NRG1: variants seen among roughly 807,000 people sequenced by gnomAD.
NRG1 encodes the protein neuregulin 1, also known as pro-neuregulin-1, membrane-bound isoform.
NRG1 carries 18 observed loss-of-function variants against 63.8 expected under a neutral mutation model. That is an observed-to-expected ratio of 0.28 (90% CI 0.19 to 0.42). NRG1 has a LOEUF of 0.42. Ranked by LOEUF, NRG1 falls within the 10% of genes least tolerant of loss-of-function variation. The pLI is 1.00. For synonymous variants in NRG1, 302 were observed against 301.3 expected, an observed-to-expected ratio of 1.00 and a Z score of -0.02; for missense variants, 762 against 814.7, an observed-to-expected ratio of 0.94 and a Z score of 0.79.
At chr8:32,586,049 T>C (rs62500222) in intron 1 of NRG1, among the ~76,000 whole-genome samples, 10,094 of 152,076 alleles carry the variant, frequency 0.066, 425 homozygotes, top group Middle Eastern at 0.093. Context: ...GGAGTTATCA[T>C]AAAACTTAAA....
At chr8:32,104,211 G>A (rs930164998) in intron 1 of NRG1, among the ~76,000 whole-genome samples, 8 of 152,124 alleles carry the variant, frequency 5.3e-5, no homozygotes, top group African/African-American at 1.9e-4. Flanking sequence ...AATCTGTACG[G>A]CATGTTACTG....
intron 1 of NRG1, among the ~76,000 whole-genome samples, chr8:32,191,713 T>C (rs1466918835): frequency 6.6e-6 from 1 of 151,960 alleles, no homozygotes; most frequent in Non-Finnish European, 1.5e-5. Context: ...GAGGAGAGAG[T>C]GTATGGCCTG....
chr8:32,665,462 T>G (rs1803894256), intron 5 of NRG1, among the ~76,000 whole-genome samples: 1 of 152,234 alleles, frequency 6.6e-6, no homozygotes, highest in African/African-American at 2.4e-5. Flanking sequence ...ATTCAGTTTG[T>G]TCAAAATATG....
At chr8:32,484,599 C>CT (rs951121524) in intron 1 of NRG1, among the ~76,000 whole-genome samples, 31 of 149,110 alleles carry the variant, frequency 2.1e-4, no homozygotes, top group Non-Finnish European at 2.4e-4. Flanking sequence ...ATACCTATGC[C>CT]TTTTTTTTTT....
chr8:32,567,914 A>G (rs1837769620), intron 1 of NRG1, among the ~76,000 whole-genome samples: 1 of 152,198 alleles, frequency 6.6e-6, no homozygotes, highest in Non-Finnish European at 1.5e-5. Flanking sequence ...TAGATGTGAT[A>G]ATTATGAAGG....
chr8:32,037,654 G>A lies in NRG1; in HGVS notation c.37+398223G>A, dbSNP rs1819287669. 2.0e-5 allele frequency among the ~76,000 whole-genome samples: 3 copies of A among 152,302 alleles called. No homozygotes were observed. In the South Asian group the frequency reaches 6.2e-4, roughly 32 times the overall value. On this transcript the variant is annotated intron_variant, in intron 1 of 10. Coordinates refer to the NRG1 transcript ENST00000519301. ...TGAAAATCCCACAGGGAGGCCCCAC[G>A]CAGGTAGGAGGAATGGGTCAAGGTT...
intron 1 of NRG1, among the ~76,000 whole-genome samples, chr8:32,215,368 A>G (rs1490931228): frequency 6.6e-6 from 1 of 152,176 alleles, no homozygotes; most frequent in Non-Finnish European, 1.5e-5. Flanking sequence ...CAACCAGCAT[A>G]GACTGGACTC....
intron 1 of NRG1, among the ~76,000 whole-genome samples, chr8:31,873,122 C>T (rs145590823): frequency 6.6e-6 from 1 of 152,260 alleles, no homozygotes; most frequent in African/African-American, 2.4e-5. Flanking sequence ...CAATTATACA[C>T]TGTAAATATT....
At chr8:32,444,262 G>T (rs2129487647) in intron 1 of NRG1, among the ~76,000 whole-genome samples, 1 of 152,122 alleles carries the variant, frequency 6.6e-6, no homozygotes, top group African/African-American at 2.4e-5. Context: ...GGGACTACAG[G>T]TGTGCCCCTC....
chr8:31,710,067 C>T (rs1390935666), intron 1 of NRG1, among the ~76,000 whole-genome samples: 1 of 151,510 alleles, frequency 6.6e-6, no homozygotes, highest in Non-Finnish European at 1.5e-5. Context: ...TTCCTTTGAG[C>T]AGTGCTTTAG....
At chr8:32,445,483 T>C (rs1820123514) in intron 1 of NRG1, among the ~76,000 whole-genome samples, 1 of 152,162 alleles carries the variant, frequency 6.6e-6, no homozygotes, top group African/African-American at 2.4e-5. Flanking sequence ...CTTGAGATTA[T>C]TGAACCACGT....
intron 1 of NRG1, among the ~76,000 whole-genome samples, chr8:31,806,645 A>T (rs1217564302): frequency 1.3e-5 from 2 of 152,176 alleles, no homozygotes; most frequent in Admixed American, 6.5e-5. Flanking sequence ...TTCCTGGGGA[A>T]AAGGAATCCT....
chr8:31,892,210 A>G (rs1333432337), intron 1 of NRG1, among the ~76,000 whole-genome samples: 1 of 152,144 alleles, frequency 6.6e-6, no homozygotes, highest in East Asian at 1.9e-4. Flanking sequence ...GTCTCATTTA[A>G]AAATTTGATA....
At chr8:32,174,607 A>C (rs758106752) in intron 1 of NRG1, among the ~76,000 whole-genome samples, 1 of 152,084 alleles carries the variant, frequency 6.6e-6, no homozygotes, top group Non-Finnish European at 1.5e-5. Context: ...AAAGAAGAAA[A>C]GAGAAGAATC....
intron 1 of NRG1, among the ~76,000 whole-genome samples, chr8:31,973,448 A>G (rs965242453): frequency 6.6e-6 from 1 of 152,206 alleles, no homozygotes; most frequent in Non-Finnish European, 1.5e-5. Flanking sequence ...ATTTATTCAA[A>G]TTTCAGAATT....
chr8:31,793,662 A>T (rs781718917), intron 1 of NRG1, among the ~76,000 whole-genome samples: 1 of 152,234 alleles, frequency 6.6e-6, no homozygotes, highest in Non-Finnish European at 1.5e-5. Flanking sequence ...CAGGTACTCA[A>T]GAAGTAATCT....
chr8:32,128,028 G>A (rs1184756311), intron 1 of NRG1, among the ~76,000 whole-genome samples: 1 of 151,874 alleles, frequency 6.6e-6, no homozygotes, highest in African/African-American at 2.4e-5. Context: ...ACCTAATCTA[G>A]TCAAATGTAA....
chr8:32,525,998 GC>G (rs1411815305), intron 1 of NRG1, among the ~76,000 whole-genome samples: 1 of 152,056 alleles, frequency 6.6e-6, no homozygotes, highest in Non-Finnish European at 1.5e-5. Flanking sequence ...CATTTTAGTG[GC>G]ATTTCAAAAG....
Position 31,696,006 on chromosome 8 carries a change from T to A in NRG1, c.37+56575T>A, listed in dbSNP as rs576308845. 1.1e-4 allele frequency among the ~76,000 whole-genome samples: 15 copies of A among 134,996 alleles called. No individual in the cohort carries two copies. In the South Asian group the frequency reaches 3.1e-3, roughly 28 times the overall value. 88.6% of individuals were successfully genotyped at this position (134,996 alleles called of 152,430 possible). On this transcript the variant is annotated intron_variant, in intron 1 of 10. Transcript: ENST00000519301. ...TTGATCCATAAATTTCTTTTAAGGA[T>A]TAAAAGATAATGGATTAAAAGATAA...
Sources: gnomAD v4.1 joint callset for allele counts (sites outside exome capture counted in the v4.1 genomes callset) on GRCh38, gnomAD v4.1.1 for gene constraint, MANE v1.5 for transcripts, NCBI Gene and HGNC (gene_info 2026-07-23, HGNC 2026-07-21) for gene names.